The following NAV3 variants were observed in gnomAD, a reference collection of about 807,000 sequenced individuals.
The protein encoded by NAV3 is pore membrane and/or filament interacting like protein 1.
In NAV3, 87 loss-of-function variants were observed where a neutral mutation model predicts 244.7. That is an observed-to-expected ratio of 0.36 (90% CI 0.30 to 0.42). NAV3 has a LOEUF of 0.42. Ranked by LOEUF, NAV3 falls within the 20% of genes least tolerant of loss-of-function variation. The probability of loss-of-function intolerance (pLI) is 1.00; values close to 1 mark genes in which losing one functional copy is unlikely to be tolerated. For missense variants in NAV3, 2,663 were observed against 2,893.3 expected (o/e 0.92, Z 1.83); for synonymous variants, 1,126 against 1,042.2 (o/e 1.08, Z -1.55).
chr12:77,820,231 A>G (rs572572750), intron 2 of NAV3, among the ~76,000 whole-genome samples: 1 of 152,126 alleles, frequency 6.6e-6, no homozygotes, highest in Admixed American at 6.6e-5. Context: ...TCTGAATCTA[A>G]TGTATTAGAT....
intron 2 of NAV3, among the ~76,000 whole-genome samples, chr12:77,740,497 T>A (rs940267966): frequency 3.9e-5 from 6 of 152,074 alleles, no homozygotes; most frequent in African/African-American, 1.4e-4. Context: ...GTGGGCCAGT[T>A]ACTCCAGTAC....
At chr12:78,154,777 T>A (rs1957235325) in intron 22 of NAV3, among the ~76,000 whole-genome samples, 1 of 152,156 alleles carries the variant, frequency 6.6e-6, no homozygotes, top group East Asian at 1.9e-4. Context: ...CCATATTTTT[T>A]AAAAGTCATT....
chr12:77,940,534 T>G lies in NAV3; in HGVS notation c.361+98T>G. Reference sequence around the variant, plus strand: ...AAGCGCCTTACTGAACTGGTCCATGTGTCTCTGAGATTCATGTAGCTCTCC... The same window carrying G: ...AAGCGCCTTACTGAACTGGTCCATGGGTCTCTGAGATTCATGTAGCTCTCC... On this transcript the variant is annotated intron_variant, in intron 2 of 39. Coordinates refer to ENST00000397909, the MANE Select transcript of NAV3 (RefSeq NM_001024383.2). 7 of 830,546 alleles carry G rather than the reference T, an allele frequency of 8.4e-6. 1 individual carries two copies. In the South Asian group the frequency reaches 1.2e-4, roughly 14 times the overall value. 51.4% of individuals were successfully genotyped at this position (830,546 alleles called of 1,614,324 possible).
At chr12:77,929,937 C>T (rs928727065) in intron 1 of NAV3, among the ~76,000 whole-genome samples, 4 of 151,602 alleles carry the variant, frequency 2.6e-5, no homozygotes, top group Admixed American at 6.6e-5. Context: ...GCATGAGCCA[C>T]CATGCCTGGT....
intron 1 of NAV3, among the ~76,000 whole-genome samples, chr12:77,892,262 G>C (rs1884023966): frequency 6.6e-6 from 1 of 152,258 alleles, no homozygotes; most frequent in East Asian, 1.9e-4. Flanking sequence ...TGATATAGTT[G>C]TAATCATTGA....
At chr12:78,029,009 T>C (rs954991543) in intron 9 of NAV3, among the ~76,000 whole-genome samples, 4 of 152,128 alleles carry the variant, frequency 2.6e-5, no homozygotes, top group Non-Finnish European at 4.4e-5. Context: ...AAGGATGTCA[T>C]ATATGCTGTT....
At chr12:77,947,079 G>A (rs931056854) in intron 3 of NAV3, among the ~76,000 whole-genome samples, 4 of 152,060 alleles carry the variant, frequency 2.6e-5, no homozygotes, top group Non-Finnish European at 4.4e-5. Flanking sequence ...AGTATAACAT[G>A]TATGTTGTTT....
chr12:77,787,351 G>A (rs1464725886), intron 2 of NAV3, among the ~76,000 whole-genome samples: 1 of 152,090 alleles, frequency 6.6e-6, no homozygotes, highest in Non-Finnish European at 1.5e-5. Context: ...GGGTGTATTA[G>A]TCTGTTCTCA....
At chr12:77,594,713 T>G (rs1870089512) in intron 2 of NAV3, among the ~76,000 whole-genome samples, 1 of 152,028 alleles carries the variant, frequency 6.6e-6, no homozygotes, top group Non-Finnish European at 1.5e-5. Flanking sequence ...CTTACTGGAG[T>G]TCAAAATGGA....
rs185248726 is a variant in NAV3, at chr12:77,823,251, G to A, written c.73-117068G>A. ...TTGGAGCCAAAGTACCAGAAAAGAAGGAACTGCAGAGAGAGAGAGAGAAAG... is the reference window on the plus strand; with the variant it reads ...TTGGAGCCAAAGTACCAGAAAAGAAAGAACTGCAGAGAGAGAGAGAGAAAG... On this transcript the variant is annotated intron_variant, in intron 2 of 8. Transcript: ENST00000550042. Among the ~76,000 whole-genome samples the A allele has an allele frequency of 2.7e-3, 407 of 152,132 alleles. 2 individuals are homozygous for A. Among genetic ancestry groups the A allele is most frequent in the Middle Eastern group, 6.8e-3 (2 of 294 alleles).
intron 11 of NAV3, chr12:78,056,293 T>TA (rs2137356443): frequency 6.6e-6 from 1 of 152,290 alleles, no homozygotes; most frequent in African/African-American, 2.4e-5. Context: ...CTCATCAGCT[T>TA]ATGCAGTGTG....
intron 1 of NAV3, among the ~76,000 whole-genome samples, chr12:77,926,674 G>A (rs1888255812): frequency 6.6e-6 from 1 of 152,098 alleles, no homozygotes; most frequent in Admixed American, 6.6e-5. Context: ...GAATCACCTG[G>A]CAGACTTTTT....
intron 22 of NAV3, 96 bp downstream of exon 22, chr12:78,149,015 T>TA: frequency 2.9e-6 from 3 of 1,019,338 alleles, no homozygotes; most frequent in Non-Finnish European, 4.4e-6. Flanking sequence ...CAGTGCCTGA[T>TA]ACAGACTTAG....
chr12:77,842,951 A>C (rs1384989665), intron 1 of NAV3, among the ~76,000 whole-genome samples: 1 of 152,208 alleles, frequency 6.6e-6, no homozygotes, highest in African/African-American at 2.4e-5. Context: ...GGCTTAAAAA[A>C]TGTACAGATT....
intron 31 of NAV3, 68 bp downstream of exon 31, chr12:78,185,766 G>A: frequency 8.2e-6 from 11 of 1,337,888 alleles, no homozygotes; most frequent in South Asian, 1.2e-5. Flanking sequence ...TGTATTTTAT[G>A]TGTGAATATT....
chr12:77,690,445 A>G (rs962744744), intron 2 of NAV3, among the ~76,000 whole-genome samples: 3 of 151,878 alleles, frequency 2.0e-5, no homozygotes, highest in African/African-American at 7.2e-5. Flanking sequence ...CGTATTAATC[A>G]TTTAAAATGT....
intron 9 of NAV3, among the ~76,000 whole-genome samples, chr12:78,022,762 C>T (rs1037676755): frequency 4.6e-5 from 7 of 152,266 alleles, no homozygotes; most frequent in Admixed American, 1.3e-4. Context: ...TTCCCCACTT[C>T]GGCAGACCTG....
chr12:77,751,405 G>T (rs1432467996), intron 2 of NAV3, among the ~76,000 whole-genome samples: 2 of 152,122 alleles, frequency 1.3e-5, no homozygotes, highest in Non-Finnish European at 2.9e-5. Flanking sequence ...TGTAGTTCTC[G>T]TAACTACATT....
intron 2 of NAV3, among the ~76,000 whole-genome samples, chr12:77,754,286 G>A (rs1033400108): frequency 6.6e-6 from 1 of 152,100 alleles, no homozygotes; most frequent in Admixed American, 6.6e-5. Flanking sequence ...TGGAGCCAGT[G>A]TTGATGAGAC....
Sources: gnomAD v4.1 joint callset for allele counts (sites outside exome capture counted in the v4.1 genomes callset) on GRCh38, gnomAD v4.1.1 for gene constraint, MANE v1.5 for transcripts, NCBI Gene and HGNC (gene_info 2026-07-23, HGNC 2026-07-21) for gene names.